SUGCT: variants seen among roughly 807,000 people sequenced by gnomAD.
SUGCT encodes succinyl-CoA:glutarate-CoA transferase, also known as succinyl-CoA:glutarate CoA-transferase.
A neutral mutation model predicts 55.0 loss-of-function variants in SUGCT; 41 were observed. The observed-to-expected ratio is 0.74, with a 90% CI of 0.58 to 0.97. The LOEUF is 0.97. Ranked by LOEUF, SUGCT falls within the 50% of genes least tolerant of loss-of-function variation. SUGCT has a pLI of 0.00. For synonymous variants in SUGCT, 187 were observed against 200.4 expected, an observed-to-expected ratio of 0.93 and a Z score of 0.56; for missense variants, 568 against 547.8, an observed-to-expected ratio of 1.04 and a Z score of -0.37.
At chr7:40,745,865 T>C (rs553863364) in intron 12 of SUGCT, among the ~76,000 whole-genome samples, 2 of 152,342 alleles carry the variant, frequency 1.3e-5, no homozygotes, top group East Asian at 3.9e-4. Flanking sequence ...TGAAACTCTC[T>C]TTAAGCCATG....
intron 6 of SUGCT, among the ~76,000 whole-genome samples, chr7:40,215,988 G>T (rs1281098603): frequency 6.6e-6 from 1 of 152,082 alleles, no homozygotes; most frequent in African/African-American, 2.4e-5. Flanking sequence ...AGTAGAGGTA[G>T]ATGAATATAT....
chr7:40,176,973 A>C (rs946986673), intron 1 of SUGCT, among the ~76,000 whole-genome samples: 4 of 152,112 alleles, frequency 2.6e-5, no homozygotes, highest in African/African-American at 7.2e-5. Flanking sequence ...AAAAAAAAAA[A>C]AAAAAAAGAC....
At chr7:40,921,499 T>A in the SUGCT span, among the ~76,000 whole-genome samples, 1 of 152,204 alleles carries the variant, frequency 6.6e-6, no homozygotes, top group African/African-American at 2.4e-5. Context: ...TGCTCAGATC[T>A]CACCTAGGTG....
At chr7:40,795,321 A>T (rs1790499279) in intron 13 of SUGCT, among the ~76,000 whole-genome samples, 1 of 152,160 alleles carries the variant, frequency 6.6e-6, no homozygotes, top group Non-Finnish European at 1.5e-5. Flanking sequence ...TACCACAATG[A>T]AACATTTTGT....
chr7:41,023,711 G>C, the SUGCT span, among the ~76,000 whole-genome samples: 1 of 126,806 alleles, frequency 7.9e-6, no homozygotes, highest in African/African-American at 4.1e-5. Flanking sequence ...TGCTGTGTAA[G>C]GAGCAAAGGA....
chr7:40,227,725 A>C (rs1475722405), intron 6 of SUGCT, among the ~76,000 whole-genome samples: 2 of 152,042 alleles, frequency 1.3e-5, no homozygotes, highest in Non-Finnish European at 2.9e-5. Flanking sequence ...CTAGTAGGAA[A>C]GGACTCTTTT....
chr7:40,509,527 A>G (rs1792805360), intron 12 of SUGCT, among the ~76,000 whole-genome samples: 1 of 152,118 alleles, frequency 6.6e-6, no homozygotes, highest in African/African-American at 2.4e-5. Flanking sequence ...TCAGCAGAGG[A>G]TTGCCTGAAG....
chr7:40,695,169 T>A (rs538585614), intron 12 of SUGCT, among the ~76,000 whole-genome samples: 38 of 114,532 alleles, frequency 3.3e-4, no homozygotes, highest in Non-Finnish European at 5.4e-4. Flanking sequence ...ACCCTTATTT[T>A]TATTTATTTA....
chr7:40,843,116 G>T (rs1290172062), intron 13 of SUGCT, among the ~76,000 whole-genome samples: 2 of 152,172 alleles, frequency 1.3e-5, no homozygotes, highest in African/African-American at 4.8e-5. Flanking sequence ...GAGAAAGACA[G>T]ATAAAGAATG....
intron 13 of SUGCT, among the ~76,000 whole-genome samples, chr7:40,851,071 C>T (rs10227436): frequency 0.35 from 53,283 of 151,960 alleles, 10,176 homozygotes; most frequent in East Asian, 0.82. Flanking sequence ...GATACTGAGG[C>T]ACAGGTTCAG....
chr7:40,271,973 C>T (rs1792047763), intron 7 of SUGCT, among the ~76,000 whole-genome samples: 1 of 150,958 alleles, frequency 6.6e-6, no homozygotes, highest in Non-Finnish European at 1.5e-5. Context: ...AACATAATGT[C>T]CTCCAGTGAC....
chr7:40,545,888 C>T (rs1794962389), intron 12 of SUGCT, among the ~76,000 whole-genome samples: 1 of 152,140 alleles, frequency 6.6e-6, no homozygotes, highest in Admixed American at 6.5e-5. Flanking sequence ...AAACAATGCA[C>T]TCTCTGTGGG....
chr7:40,624,415 A>G (rs1319647296), intron 12 of SUGCT, among the ~76,000 whole-genome samples: 2 of 152,194 alleles, frequency 1.3e-5, no homozygotes, highest in Non-Finnish European at 2.9e-5. Flanking sequence ...ACAGTACTTA[A>G]CATGTAATTT....
intron 11 of SUGCT, among the ~76,000 whole-genome samples, chr7:40,465,379 G>A (rs374208653): frequency 2.4e-4 from 36 of 152,244 alleles, no homozygotes; most frequent in African/African-American, 7.9e-4. Flanking sequence ...GGAGGCTGAG[G>A]CAGGCAGATC....
the SUGCT span, among the ~76,000 whole-genome samples, chr7:40,946,623 G>A: frequency 1.1e-4 from 17 of 152,190 alleles, no homozygotes; most frequent in African/African-American, 4.1e-4. Context: ...TTTTAGGGCA[G>A]GTTTGCTAGT....
At chr7:40,791,215 T>G (rs1790292744) in intron 13 of SUGCT, among the ~76,000 whole-genome samples, 1 of 152,210 alleles carries the variant, frequency 6.6e-6, no homozygotes, top group Admixed American at 6.5e-5. Flanking sequence ...ATGATAAAGG[T>G]AAGACCACTG....
Position 40,684,245 on chromosome 7 carries a change from C to T in SUGCT, c.1090-65189C>T. Reference sequence around the variant, plus strand: ...GACCTTAATTACATCCATACTTATTCATTTACATCACAGGTTTCAGGGATT... The same window carrying T: ...GACCTTAATTACATCCATACTTATTTATTTACATCACAGGTTTCAGGGATT... On this transcript the variant is annotated intron_variant, in intron 12 of 13. Transcript: ENST00000335693. The T allele has an allele frequency of 9.3e-6, 13 of 1,390,642 alleles. No homozygotes were observed. The South Asian group carries it at 2.2e-4, about 24-fold the overall frequency. The allele number at this position is 1,390,642 out of a possible 1,614,324, so 86.1% of individuals were successfully genotyped here. A position where few individuals can be genotyped will look rare whatever the true frequency, so the allele number is the denominator to read the frequency against.
chr7:40,797,886 C>T (rs899436476), intron 13 of SUGCT, among the ~76,000 whole-genome samples: 2 of 152,332 alleles, frequency 1.3e-5, no homozygotes, highest in South Asian at 2.1e-4. Context: ...TTTCCCAGGA[C>T]CCCATTCACC....
chr7:40,639,162 T>C (rs941001582), intron 12 of SUGCT, among the ~76,000 whole-genome samples: 2 of 152,244 alleles, frequency 1.3e-5, no homozygotes, highest in Non-Finnish European at 1.5e-5. Context: ...TTGTATGCTA[T>C]ACTATCTGTT....
Sources: gnomAD v4.1 joint callset for allele counts (sites outside exome capture counted in the v4.1 genomes callset) on GRCh38, gnomAD v4.1.1 for gene constraint, MANE v1.5 for transcripts, NCBI Gene and HGNC (gene_info 2026-07-23, HGNC 2026-07-21) for gene names.